Variants in ABCC5 observed in about 807,000 individuals in gnomAD.
The protein encoded by ABCC5 is ATP-binding cassette sub-family C member 5.
ABCC5 carries 61 observed loss-of-function variants against 160.9 expected under a neutral mutation model. That is an observed-to-expected ratio of 0.38 (90% confidence interval 0.31 to 0.47). ABCC5 has a LOEUF of 0.47. Among genes scored for constraint, ABCC5 ranks in the 20% least tolerant of loss-of-function variants. The pLI is 0.99. For missense variants in ABCC5, 1,308 were observed against 1,813.3 expected, an observed-to-expected ratio of 0.72 and a Z score of 5.06; for synonymous variants, 666 against 700.6, an observed-to-expected ratio of 0.95 and a Z score of 0.78.
At position 183,924,010 on chromosome 3, in the gene ABCC5, C is replaced by CTTTTTTTTTTTTTTTTT. The variant is rs200040197; in HGVS notation, c.4212+1528_4212+1544dup. 1.9e-4 allele frequency among the ~76,000 whole-genome samples: 21 copies of CTTTTTTTTTTTTTTTTT among 112,794 alleles called. 1 individual carries two copies. Among genetic ancestry groups the CTTTTTTTTTTTTTTTTT allele is most frequent in the African/African-American group, 4.4e-4 (11 of 25,276 alleles). The allele number at this position is 112,794 out of a possible 152,430, so 74.0% of individuals were successfully genotyped here. Reference sequence around the variant, plus strand: ...AAATCCCACCAATTTTTACTGTTTGCTTTTTTTTTTTTTTTTTTTTTTTGA... The same window carrying CTTTTTTTTTTTTTTTTT: ...AAATCCCACCAATTTTTACTGTTTGCTTTTTTTTTTTTTTTTTTTTTTTTTTTTTTTTTTTTTTTTGA... On this transcript the variant is annotated intron_variant, in intron 29 of 29. Coordinates refer to ENST00000334444, the MANE Select transcript of ABCC5 (RefSeq NM_005688.4).
chr3:183,998,887 C>T (rs541035226), intron 2 of ABCC5, among the ~76,000 whole-genome samples: 1 of 151,902 alleles, frequency 6.6e-6, no homozygotes, highest in Non-Finnish European at 1.5e-5. Flanking sequence ...GTCAAGAGTT[C>T]GAGACCAGCC....
At chr3:183,935,170 C>T (rs953733006) in intron 26 of ABCC5, among the ~76,000 whole-genome samples, 3 of 151,886 alleles carry the variant, frequency 2.0e-5, no homozygotes, top group East Asian at 3.9e-4. Context: ...TGAGCCACCA[C>T]GCCTGGCCAA....
intron 22 of ABCC5, among the ~76,000 whole-genome samples, chr3:183,948,877 T>G (rs1283447383): frequency 6.6e-6 from 1 of 151,980 alleles, no homozygotes; most frequent in Admixed American, 6.5e-5. Context: ...AATTTTTTTG[T>G]AATTTTAGTA....
At chr3:183,945,166 T>G (rs1714724781) in intron 24 of ABCC5, among the ~76,000 whole-genome samples, 1 of 152,208 alleles carries the variant, frequency 6.6e-6, no homozygotes, top group African/African-American at 2.4e-5. Flanking sequence ...AACCTCTTTC[T>G]TCATAAATTA....
At position 183,967,825 on chromosome 3, in the gene ABCC5, G is replaced by T; in HGVS notation, c.1762-59C>A. On this transcript the variant is annotated intron_variant, in intron 11 of 29. Coordinates refer to ENST00000334444, the MANE Select transcript of ABCC5 (RefSeq NM_005688.4). ...GAGACTACTAACCACTCATCGCTAAGGACTTGAGGAAAAACACATTAACTG... is the reference window on the plus strand; with the variant it reads ...GAGACTACTAACCACTCATCGCTAATGACTTGAGGAAAAACACATTAACTG... The T allele has an allele frequency of 4.4e-6, 6 of 1,376,496 alleles. No individual in the cohort carries two copies. The Admixed American group carries it at 1.0e-4, about 23-fold the overall frequency. 85.3% of individuals were successfully genotyped at this position (1,376,496 alleles called of 1,614,324 possible). A position where few individuals can be genotyped will look rare whatever the true frequency, so the allele number is the denominator to read the frequency against.
intron 10 of ABCC5, among the ~76,000 whole-genome samples, chr3:183,976,185 CTTCT>C (rs1171254018): frequency 6.6e-6 from 1 of 151,994 alleles, no homozygotes; most frequent in African/African-American, 2.4e-5. Flanking sequence ...TCCTTCCTTC[CTTCT>C]CTCTCTTCCC....
rs1715404080 is a variant in ABCC5 at position 183,952,014 on chromosome 3, C to T, written c.2668-11G>A. The T allele has an allele frequency of 4.4e-6, 7 of 1,603,278 alleles. No individual in the cohort carries two copies. In the East Asian group the frequency reaches 1.6e-4, roughly 36 times the overall value. ...AGTCACAGTGGTGTTCTGTTTGAAG[C>T]CAAAGTTCTATGAGGCCAGACTCCT... On this transcript the variant is annotated splice_polypyrimidine_tract_variant and intron_variant, in intron 18 of 29. Transcript: ENST00000334444.
chr3:183,927,695 T>A, intron 27 of ABCC5: 5 of 985,438 alleles, frequency 5.1e-6, no homozygotes, highest in Non-Finnish European at 6.0e-6. Flanking sequence ...AACGCTTTCA[T>A]GTCCCCAAAA....
Position 183,926,737 on chromosome 3 carries a change from A to T in ABCC5, c.4047+593T>A, listed in dbSNP as rs368609466. On this transcript the variant is annotated intron_variant, in intron 28 of 29. Transcript: ENST00000334444. ...AAGGGGCTGGATTGGATGACCTTAA[A>T]GTCTCTTGCAATTTTAAAATCTATG... Among the ~76,000 whole-genome samples the T allele has an allele frequency of 9.2e-5, 14 of 152,078 alleles. 1 individual carries two copies. The highest frequency in any genetic ancestry group is 3.4e-4 in the African/African-American group (14 of 41,500).
In ABCC5 at chr3:183,921,357, A is replaced by C; in HGVS notation, c.4257T>G (p.Ser1419Arg). ...CAGCAAACATGGCATAGAATCGGGA[A>C]CTGTCGTTGGACAGAAGGACCGATG... The part of the protein sequence containing the change: ...DTPSVLLSND[S>R]SRFYAMFAAA... Residue 1419 changes from serine (S) to arginine (R), a missense_variant, in exon 30 of 30, where the codon AGT becomes AGG. Ser to Arg is a moderately radical substitution (Grantham distance 110). Coordinates refer to ENST00000334444, the MANE Select transcript of ABCC5 (RefSeq NM_005688.4). The surrounding 1 kb of genome is among the most constrained non-coding windows in gnomAD (Gnocchi z 4.1). 2 of 1,613,318 alleles carry C rather than the reference A, an allele frequency of 1.2e-6. No individual in the cohort carries two copies. The highest frequency in any genetic ancestry group is 1.7e-6 in the Non-Finnish European group (2 of 1,179,542).
intron 2 of ABCC5, among the ~76,000 whole-genome samples, chr3:183,992,236 T>C (rs1227409179): frequency 6.6e-6 from 1 of 152,168 alleles, no homozygotes; most frequent in Non-Finnish European, 1.5e-5. Flanking sequence ...CAAACGGGCA[T>C]GACAATTTGT....
At chr3:183,971,512 C>T (rs376934559) in intron 11 of ABCC5, 51 bp downstream of exon 11, 193 of 1,534,744 alleles carry the variant, frequency 1.3e-4, no homozygotes, top group Admixed American at 1.6e-4. Context: ...GGTGGCAGAT[C>T]AGCATGGGGT....
In ABCC5 at chr3:183,962,615, T is replaced by A. The variant is rs1304924612; in HGVS notation, c.2235+770A>T. ...GATGCAATCGCAGCTCACTTTAACCTCCACCTCCTGGGTTCAAGGGATTCT... is the reference window on the plus strand; with the variant it reads ...GATGCAATCGCAGCTCACTTTAACCACCACCTCCTGGGTTCAAGGGATTCT... On this transcript the variant is annotated intron_variant, in intron 15 of 29. Transcript: ENST00000334444. Among the ~76,000 whole-genome samples the A allele has an allele frequency of 2.0e-5, 3 of 149,720 alleles. No homozygotes were observed. In the East Asian group the frequency reaches 6.1e-4, roughly 30 times the overall value.
intron 2 of ABCC5, among the ~76,000 whole-genome samples, chr3:183,996,276 G>A (rs1017100239): frequency 6.6e-6 from 1 of 152,098 alleles, no homozygotes. Context: ...GAGTGCCTCC[G>A]ATCTGTAAGA....
At chr3:183,977,416 T>G (rs1002879737) in intron 10 of ABCC5, 101 bp downstream of exon 10, 2 of 776,066 alleles carry the variant, frequency 2.6e-6, no homozygotes, top group East Asian at 5.6e-5. Context: ...AAGCCAAGCT[T>G]AAGCCCAGTG....
chr3:183,928,908 C>A, intron 26 of ABCC5, 83 bp from the exon 27 acceptor site: 2 of 1,130,848 alleles, frequency 1.8e-6, no homozygotes, highest in South Asian at 2.6e-5. Flanking sequence ...ATGTTTAACA[C>A]ACATGCATAG....
intron 8 of ABCC5, 71 bp downstream of exon 8, chr3:183,981,656 T>C: frequency 6.5e-7 from 1 of 1,528,448 alleles, no homozygotes; most frequent in Non-Finnish European, 8.9e-7. Flanking sequence ...GAAAGCAAAG[T>C]GTGTGAATTA....
chr3:183,938,527 G>A (rs1257036775), intron 25 of ABCC5, among the ~76,000 whole-genome samples: 3 of 152,162 alleles, frequency 2.0e-5, no homozygotes, highest in African/African-American at 4.8e-5. Context: ...TCAAACTCCT[G>A]ATCTCGTGAT....
At chr3:183,997,012 A>G (rs760328500) in intron 2 of ABCC5, among the ~76,000 whole-genome samples, 5 of 152,230 alleles carry the variant, frequency 3.3e-5, no homozygotes, top group African/African-American at 9.7e-5. Context: ...GTCCTACTCC[A>G]TATTTGCACC....
Sources: gnomAD v4.1 joint callset for allele counts (sites outside exome capture counted in the v4.1 genomes callset) on GRCh38, gnomAD v4.1.1 for gene constraint, Gnocchi (gnomAD v3.1) non-coding constraint, MANE v1.5 for transcripts, NCBI Gene and HGNC (gene_info 2026-07-23, HGNC 2026-07-21) for gene names.